Variants in YEATS4 observed in about 807,000 individuals in gnomAD.
YEATS4 encodes YEATS domain containing 4, also known as YEATS domain-containing protein 4.
YEATS4 carries 17 observed loss-of-function variants against 30.1 expected under a neutral mutation model. The observed-to-expected ratio is 0.56, with a 90% CI of 0.39 to 0.85. YEATS4 has a LOEUF of 0.85. YEATS4 is among the 40% of genes least tolerant of loss of function. The probability of loss-of-function intolerance (pLI) is 0.00; values close to 1 mark genes in which losing one functional copy is unlikely to be tolerated. For missense variants in YEATS4, 142 were observed against 268.3 expected (o/e 0.53, Z 3.29); for synonymous variants, 85 against 87.5 (o/e 0.97, Z 0.16).
chr12:69,371,496 A>G (rs983689374), intron 6 of YEATS4, among the ~76,000 whole-genome samples: 3 of 152,230 alleles, frequency 2.0e-5, no homozygotes, highest in African/African-American at 7.2e-5. Context: ...TTCTGTACGC[A>G]TTAATCTGTG....
the YEATS4 span, among the ~76,000 whole-genome samples, chr12:69,425,215 G>A: frequency 6.6e-5 from 10 of 152,274 alleles, no homozygotes; most frequent in Admixed American, 2.0e-4. Flanking sequence ...GAGCCAGCGC[G>A]CCCAGCCGGG....
the YEATS4 span, among the ~76,000 whole-genome samples, chr12:69,425,372 C>T: frequency 6.6e-6 from 1 of 152,108 alleles, no homozygotes; most frequent in Non-Finnish European, 1.5e-5. Context: ...GAGAAAGGGG[C>T]CTGAATAACA....
intron 2 of YEATS4, among the ~76,000 whole-genome samples, chr12:69,364,541 A>T (rs1057080593): frequency 2.6e-5 from 4 of 152,164 alleles, no homozygotes; most frequent in Non-Finnish European, 5.9e-5. Context: ...CTGTACTTTT[A>T]AAATAAAGAA....
intron 4 of YEATS4, among the ~76,000 whole-genome samples, chr12:69,368,749 G>A (rs1592850178): frequency 6.6e-6 from 1 of 152,172 alleles, no homozygotes; most frequent in South Asian, 2.1e-4. Context: ...GATGTTCCTT[G>A]GCTTTTGGCA....
intron 6 of YEATS4, among the ~76,000 whole-genome samples, chr12:69,387,269 G>A (rs1299106618): frequency 1.3e-5 from 2 of 152,158 alleles, no homozygotes; most frequent in African/African-American, 2.4e-5. Context: ...AGATGAATGC[G>A]AATTACAGAA....
At chr12:69,394,805 C>G (rs1234663115), downstream of YEATS4, among the ~76,000 whole-genome samples, 3 of 152,236 alleles carry the variant, frequency 2.0e-5, no homozygotes, top group African/African-American at 7.2e-5. Flanking sequence ...TAGTCTTGAA[C>G]TCCTGGGCTC....
intron 4 of YEATS4, among the ~76,000 whole-genome samples, chr12:69,367,206 T>G (rs1286179075): frequency 3.3e-5 from 5 of 152,196 alleles, no homozygotes; most frequent in Non-Finnish European, 7.4e-5. Flanking sequence ...TCCCTGAACT[T>G]TTTACTGATT....
chr12:69,397,004 G>A, the YEATS4 span, among the ~76,000 whole-genome samples: 1 of 152,018 alleles, frequency 6.6e-6, no homozygotes, highest in South Asian at 2.1e-4. Flanking sequence ...TCTGTTAAAG[G>A]GTAAATGACA....
chr12:69,385,910 C>T (rs951646714), intron 6 of YEATS4, among the ~76,000 whole-genome samples: 8 of 152,192 alleles, frequency 5.3e-5, no homozygotes, highest in Admixed American at 4.6e-4. Flanking sequence ...ATAACTTGCC[C>T]AAAATTACCC....
intron 5 of YEATS4, 26 bp from the exon 6 acceptor site, chr12:69,370,862 G>C: frequency 6.2e-7 from 1 of 1,602,078 alleles, no homozygotes; most frequent in South Asian, 1.1e-5. Context: ...GAAGTTATTG[G>C]GTTTTTGTTC....
intron 2 of YEATS4, 24 bp downstream of exon 2, chr12:69,362,931 CTGTTTTACTTAAAGTTGTCTGTAATT>C (rs778221471): frequency 6.9e-7 from 1 of 1,441,116 alleles, no homozygotes. Flanking sequence ...TTTTCTGTAA[CTGTTTTACTTAAAGTTGTCTGTAATT>C]TGTTTTGCTT....
At chr12:69,362,218 A>G (rs905003932) in intron 1 of YEATS4, among the ~76,000 whole-genome samples, 3 of 152,058 alleles carry the variant, frequency 2.0e-5, no homozygotes, top group Non-Finnish European at 4.4e-5. Context: ...GGGTTTCACC[A>G]TCTTGGCCAG....
At chr12:69,392,754 A>G (rs975791290), downstream of YEATS4, among the ~76,000 whole-genome samples, 4 of 152,186 alleles carry the variant, frequency 2.6e-5, no homozygotes, top group South Asian at 2.1e-4. Flanking sequence ...TGTTGAGTCA[A>G]CCAGCAGTTA....
the YEATS4 span, among the ~76,000 whole-genome samples, chr12:69,406,492 T>A: frequency 5.3e-5 from 8 of 152,268 alleles, 1 homozygote; most frequent in East Asian, 9.6e-4. Flanking sequence ...TATGCCTGGA[T>A]AATTTTTAAA....
downstream of YEATS4, among the ~76,000 whole-genome samples, chr12:69,392,583 C>A (rs1360420123): frequency 6.6e-6 from 1 of 152,208 alleles, no homozygotes; most frequent in Non-Finnish European, 1.5e-5. Context: ...GGGATAATTT[C>A]TTCATCTAGA....
chr12:69,419,248 T>C, the YEATS4 span, among the ~76,000 whole-genome samples: 1 of 146,204 alleles, frequency 6.8e-6, no homozygotes, highest in East Asian at 2.0e-4. Context: ...AGAGACATGG[T>C]CTCACTCTGT....
intron 6 of YEATS4, among the ~76,000 whole-genome samples, chr12:69,371,808 T>A (rs1875650168): frequency 6.6e-6 from 1 of 152,014 alleles, no homozygotes; most frequent in Non-Finnish European, 1.5e-5. Flanking sequence ...ACAAACAAAG[T>A]GGGGCAGGGA....
Position 69,365,754 on chromosome 12 carries a change from T to C in YEATS4, c.239-36T>C, listed in dbSNP as rs190641603. On this transcript the variant is annotated intron_variant, in intron 3 of 6. Coordinates refer to ENST00000247843, the MANE Select transcript of YEATS4 (RefSeq NM_006530.4). ...CCAAAGTTAAAAATGGCTAGGAAAC[T>C]AAACCGATAATTTACTATTTTTTTT... The C allele has an allele frequency of 7.4e-5, 116 of 1,572,888 alleles. No homozygotes were observed. The Admixed American group carries it at 2.0e-3, about 27-fold the overall frequency.
intron 2 of YEATS4, among the ~76,000 whole-genome samples, chr12:69,363,324 G>C (rs930908220): frequency 6.6e-6 from 1 of 151,926 alleles, no homozygotes; most frequent in Non-Finnish European, 1.5e-5. Context: ...GTAACTTTCT[G>C]ATTATAAAAT....
Sources: gnomAD v4.1 joint callset for allele counts (sites outside exome capture counted in the v4.1 genomes callset) on GRCh38, gnomAD v4.1.1 for gene constraint, MANE v1.5 for transcripts, NCBI Gene and HGNC (gene_info 2026-07-23, HGNC 2026-07-21) for gene names.